PCDH7: variants seen among roughly 807,000 people sequenced by gnomAD.
PCDH7 encodes the protein protocadherin-7.
Under a neutral mutation model 58.9 loss-of-function variants are expected in PCDH7, and 17 were observed. The ratio of observed to expected loss-of-function variants is 0.29; its 90% confidence interval spans 0.20 to 0.43. The LOEUF is 0.43. PCDH7 is among the 20% of genes least tolerant of loss of function. The pLI, the probability that PCDH7 is intolerant of heterozygous loss-of-function variation, is 1.00. For missense variants in PCDH7, 1,274 were observed against 1,441.0 expected (o/e 0.88, Z 1.88); for synonymous variants, 664 against 616.4 (o/e 1.08, Z -1.14).
intron 3 of PCDH7, among the ~76,000 whole-genome samples, chr4:31,042,002 C>A (rs1755905288): frequency 6.6e-6 from 1 of 152,052 alleles, no homozygotes. Context: ...AAAAGGTAAT[C>A]ATGTGAATCC....
intron 3 of PCDH7, among the ~76,000 whole-genome samples, chr4:31,111,744 CAT>C (rs1191260015): frequency 6.6e-6 from 1 of 152,210 alleles, no homozygotes; most frequent in Non-Finnish European, 1.5e-5. Flanking sequence ...TCAACCCTAA[CAT>C]GTAACTAACT....
At chr4:30,735,098 C>T (rs1239144047), downstream of PCDH7, among the ~76,000 whole-genome samples, 1 of 152,060 alleles carries the variant, frequency 6.6e-6, no homozygotes, top group East Asian at 1.9e-4. Context: ...AAGAGACGCA[C>T]TGGTCGTACA....
intron 2 of PCDH7, among the ~76,000 whole-genome samples, chr4:30,933,083 GTGGC>G (rs1266285086): frequency 6.6e-6 from 1 of 151,342 alleles, no homozygotes; most frequent in Non-Finnish European, 1.5e-5. Context: ...CTGGAGTGCA[GTGGC>G]CTGATCTCGG....
At chr4:30,825,068 A>G (rs1440751705) in intron 1 of PCDH7, among the ~76,000 whole-genome samples, 1 of 152,170 alleles carries the variant, frequency 6.6e-6, no homozygotes, top group Non-Finnish European at 1.5e-5. Context: ...AGGACAACCC[A>G]TACCATTTAT....
intron 1 of PCDH7, among the ~76,000 whole-genome samples, chr4:30,916,200 C>G (rs1032619102): frequency 6.6e-5 from 10 of 152,144 alleles, no homozygotes; most frequent in African/African-American, 1.9e-4. Context: ...CCTTGCTGTC[C>G]GTTTTCACTG....
intron 1 of PCDH7, among the ~76,000 whole-genome samples, chr4:30,826,920 G>T (rs1729159945): frequency 6.6e-6 from 1 of 151,926 alleles, no homozygotes; most frequent in Non-Finnish European, 1.5e-5. Flanking sequence ...TAGAGACGGG[G>T]TTTTGCCATG....
At chr4:31,090,289 G>C (rs1713063709) in intron 3 of PCDH7, among the ~76,000 whole-genome samples, 1 of 151,906 alleles carries the variant, frequency 6.6e-6, no homozygotes, top group South Asian at 2.1e-4. Flanking sequence ...TAATTTTTGT[G>C]GGTACATAGT....
At chr4:30,975,320 A>G (rs1224370921) in intron 3 of PCDH7, among the ~76,000 whole-genome samples, 1 of 152,094 alleles carries the variant, frequency 6.6e-6, no homozygotes, top group Non-Finnish European at 1.5e-5. Flanking sequence ...AGGACACATC[A>G]CTCTGGAAAG....
chr4:30,926,639 C>T (rs11721929), intron 2 of PCDH7, among the ~76,000 whole-genome samples: 12,718 of 152,080 alleles, frequency 0.084, 716 homozygotes, highest in Non-Finnish European at 0.12. Context: ...TTTCGAGTAC[C>T]ATAGGGTAGT....
chr4:30,767,144 T>A (rs1035540374), intron 1 of PCDH7, among the ~76,000 whole-genome samples: 16 of 152,218 alleles, frequency 1.1e-4, no homozygotes, highest in African/African-American at 3.1e-4. Context: ...CACTGAAGTC[T>A]TAGTATCTTT....
downstream of PCDH7, among the ~76,000 whole-genome samples, chr4:30,733,808 G>T (rs1374767455): frequency 6.6e-6 from 1 of 152,122 alleles, no homozygotes; most frequent in Non-Finnish European, 1.5e-5. Flanking sequence ...TAATTCAAGA[G>T]TACTGAAAAC....
At chr4:30,926,070 A>T (rs550891000) in intron 2 of PCDH7, among the ~76,000 whole-genome samples, 2 of 152,228 alleles carry the variant, frequency 1.3e-5, no homozygotes, top group Non-Finnish European at 2.9e-5. Context: ...AGACAATAAT[A>T]TGCAATAATT....
chr4:31,043,061 A>G (rs1304360209), intron 3 of PCDH7, among the ~76,000 whole-genome samples: 1 of 152,070 alleles, frequency 6.6e-6, no homozygotes, highest in Non-Finnish European at 1.5e-5. Context: ...GCATTAATCC[A>G]TTAATTCATG....
chr4:30,939,491 T>C (rs1301053403), intron 2 of PCDH7, among the ~76,000 whole-genome samples: 2 of 152,182 alleles, frequency 1.3e-5, no homozygotes, highest in African/African-American at 2.4e-5. Context: ...CATAGTTACT[T>C]TCTTTTAGAG....
chr4:30,808,937 A>T (rs575891748), intron 1 of PCDH7, among the ~76,000 whole-genome samples: 1 of 152,290 alleles, frequency 6.6e-6, no homozygotes, highest in South Asian at 2.1e-4. Flanking sequence ...CCCACTTTAA[A>T]AGCAAATAAA....
chr4:30,762,146 C>G (rs939384648), intron 1 of PCDH7, among the ~76,000 whole-genome samples: 40 of 151,936 alleles, frequency 2.6e-4, no homozygotes. Flanking sequence ...AAATAAGCAC[C>G]CTTGGAATGG....
At chr4:30,760,304 C>G (rs911573260) in intron 1 of PCDH7, among the ~76,000 whole-genome samples, 6 of 152,138 alleles carry the variant, frequency 3.9e-5, no homozygotes, top group Non-Finnish European at 8.8e-5. Context: ...CACTTCCTAC[C>G]CACTATCCCT....
At chr4:30,798,016 A>T (rs1435706616) in intron 1 of PCDH7, among the ~76,000 whole-genome samples, 1 of 152,206 alleles carries the variant, frequency 6.6e-6, no homozygotes, top group Non-Finnish European at 1.5e-5. Flanking sequence ...GATCTACTAT[A>T]TTGCTGGAAT....
chr4:30,808,556 A>G (rs915777089), intron 1 of PCDH7, among the ~76,000 whole-genome samples: 2 of 152,162 alleles, frequency 1.3e-5, no homozygotes, highest in Admixed American at 6.5e-5. Context: ...TTCAGCCTTC[A>G]GCTCAACATT....
Sources: gnomAD v4.1 joint callset for allele counts (sites outside exome capture counted in the v4.1 genomes callset) on GRCh38, gnomAD v4.1.1 for gene constraint, MANE v1.5 for transcripts, NCBI Gene and HGNC (gene_info 2026-07-23, HGNC 2026-07-21) for gene names.